The following HTR2B variants were observed in gnomAD, a reference collection of about 807,000 sequenced individuals.
HTR2B encodes the protein 5-hydroxytryptamine receptor 2B.
Under a neutral mutation model 39.8 loss-of-function variants are expected in HTR2B, and 31 were observed. That is an observed-to-expected ratio of 0.78 (90% CI 0.58 to 1.05). The LOEUF is 1.05. Among genes scored for constraint, HTR2B ranks in the 50% least tolerant of loss-of-function variants. HTR2B has a pLI of 0.00. For missense variants in HTR2B, 562 were observed against 578.0 expected (o/e 0.97, Z 0.28); for synonymous variants, 210 against 207.1 (o/e 1.01, Z -0.12).
rs201933699 is a variant in HTR2B, at chr2:231,123,369, CAT to C, written c.352+42_352+43del. ...GAGTGTCCATTCTCTAATAGTATATCATAGTTCTGTGGTTTGATGGCACAAAC... is the reference window on the plus strand; with the variant it reads ...GAGTGTCCATTCTCTAATAGTATATCAGTTCTGTGGTTTGATGGCACAAAC... On this transcript the variant is annotated intron_variant, in intron 2 of 3. Coordinates refer to ENST00000258400, the MANE Select transcript of HTR2B (RefSeq NM_000867.5). 2,172 of 1,340,210 alleles carry C rather than the reference CAT, an allele frequency of 1.6e-3. 35 individuals are homozygous for C. In the African/African-American group the frequency reaches 0.027, roughly 17 times the overall value. The allele number at this position is 1,340,210 out of a possible 1,614,324, so 83.0% of individuals were successfully genotyped here.
chr2:231,109,041 T>C lies in HTR2B; in HGVS notation c.922A>G (p.Ile308Val). The stretch of plus-strand genomic sequence containing the variant: ...ATGGTCTGCACTGACTTTTTCCCAA[T>C]TGTGGATGTTCTTCGCATAAGTGTT... ...DETLMRRTSTIGKKSVQTISN... is the reference protein window; with the variant it reads ...DETLMRRTSTVGKKSVQTISN... The change falls in exon 4 of 4, where the codon ATT becomes GTT. Residue 308 changes from isoleucine to valine, a missense_variant. Transcript: ENST00000258400. The C allele has an allele frequency of 6.2e-7, 1 of 1,614,240 alleles. No individual in the cohort carries two copies. The highest frequency in any genetic ancestry group is 8.5e-7 in the Non-Finnish European group (1 of 1,180,026).
chr2:231,116,974 A>C (rs1695362223), intron 2 of HTR2B, among the ~76,000 whole-genome samples: 1 of 152,044 alleles, frequency 6.6e-6, no homozygotes, highest in Admixed American at 6.6e-5. Context: ...ACAAAAAAGA[A>C]AAAGAGGCTT....
At chr2:231,109,431 T>C in intron 3 of HTR2B, 22 bp from the exon 4 acceptor site, 1 of 1,605,330 alleles carries the variant, frequency 6.2e-7, no homozygotes. Context: ...GAAAACAAGA[T>C]AAATTGAGTC....
Position 231,123,771 on chromosome 2 carries a change from T to C in HTR2B, c.-7A>G. The C allele has an allele frequency of 6.2e-7, 1 of 1,605,222 alleles. No homozygotes were observed. Among genetic ancestry groups the C allele is most frequent in the Non-Finnish European group, 8.5e-7 (1 of 1,171,950 alleles). On this transcript the variant is annotated 5_prime_UTR_variant, in exon 2 of 4. Coordinates refer to ENST00000258400, the MANE Select transcript of HTR2B (RefSeq NM_000867.5). ...CTCTGTAAGAGAGAGCCATTTGCTGTTTTTCTGTGATTCAATCCCGTTCCG... is the reference window on the plus strand; with the variant it reads ...CTCTGTAAGAGAGAGCCATTTGCTGCTTTTCTGTGATTCAATCCCGTTCCG...
At chr2:231,115,677 G>GAGT (rs1455743666) in intron 2 of HTR2B, among the ~76,000 whole-genome samples, 1 of 152,124 alleles carries the variant, frequency 6.6e-6, no homozygotes, top group Admixed American at 6.5e-5. Flanking sequence ...TCTTGCAGAT[G>GAGT]AGTAAATTCA....
rs1378307926 is a variant in HTR2B, at chr2:231,109,164, C to G, written c.799G>C (p.Val267Leu). 4 of 1,614,090 alleles carry G rather than the reference C, an allele frequency of 2.5e-6. No homozygotes were observed. Among genetic ancestry groups the G allele is most frequent in the Non-Finnish European group, 3.4e-6 (4 of 1,180,056 alleles). The stretch of plus-strand genomic sequence containing the variant: ...CAAGGTGTTTCATCCCTTTGGAAAA[C>G]TGTAGACACAGTCAACCATGTTAGG... ...QRLTWLTVST[V>L]FQRDETPCSS... The change falls in exon 4 of 4, where the codon GTT (valine) becomes CTT (leucine). Residue 267 changes from valine (V) to leucine (L), a missense_variant. Coordinates refer to ENST00000258400, the MANE Select transcript of HTR2B (RefSeq NM_000867.5).
intron 2 of HTR2B, among the ~76,000 whole-genome samples, chr2:231,116,803 T>G (rs562200682): frequency 6.6e-6 from 1 of 152,242 alleles, no homozygotes; most frequent in African/African-American, 2.4e-5. Flanking sequence ...CAGAATTTTC[T>G]TTAAGAAAGA....
intron 2 of HTR2B, among the ~76,000 whole-genome samples, chr2:231,119,172 G>A (rs1695445923): frequency 6.6e-6 from 1 of 152,154 alleles, no homozygotes; most frequent in Admixed American, 6.5e-5. Context: ...ACAAAAAGAA[G>A]TGCCTTTAAT....
Position 231,108,947 on chromosome 2 carries a change from G to A in HTR2B, c.1016C>T (p.Pro339Leu), listed in dbSNP as rs1364650692. ...VFFLFLLMWCPFFITNITLVL... is the reference protein window; with the variant it reads ...VFFLFLLMWCLFFITNITLVL... Reference sequence around the variant, plus strand: ...TAAAGTTATATTTGTAATAAAGAAGGGACACCACATAAGCAAAAAGAGGAA... The same window carrying A: ...TAAAGTTATATTTGTAATAAAGAAGAGACACCACATAAGCAAAAAGAGGAA... Residue 339 changes from proline (P) to leucine (L), a missense_variant, in exon 4 of 4, where the codon CCC becomes CTC. By Grantham distance (98) the Pro-to-Leu change is moderately conservative. Transcript: ENST00000258400. 1 of 1,613,838 alleles carries A rather than the reference G, an allele frequency of 6.2e-7. No individual in the cohort carries two copies. Among genetic ancestry groups the A allele is most frequent in the African/African-American group, 1.3e-5 (1 of 74,880 alleles).
intron 2 of HTR2B, among the ~76,000 whole-genome samples, chr2:231,121,893 A>G (rs1375348948): frequency 6.6e-6 from 1 of 152,190 alleles, no homozygotes; most frequent in African/African-American, 2.4e-5. Flanking sequence ...CTAGCAAAGC[A>G]CAGTTTGAAG....
At chr2:231,111,085 C>T (rs1193823433) in intron 3 of HTR2B, among the ~76,000 whole-genome samples, 1 of 152,186 alleles carries the variant, frequency 6.6e-6, no homozygotes, top group Non-Finnish European at 1.5e-5. Context: ...TCAATGGCTT[C>T]AGTACCTGCT....
Position 231,108,870 on chromosome 2 carries a change from A to G in HTR2B, c.1093T>C (p.Phe365Leu), listed in dbSNP as rs769926437. ...GAGGAAACATAGCCTATCCACACAA[A>G]TATCTCCAGGAGCATTTGGAGAGTA... ...QTTLQMLLEI[F>L]VWIGYVSSGV... is the part of the protein sequence containing the mutation. Residue 365 changes from phenylalanine (F) to leucine (L), a missense_variant, in exon 4 of 4, where the codon TTT becomes CTT. Physicochemically the swap from Phe to Leu is conservative, Grantham distance 22. Transcript: ENST00000258400. 3.7e-6 allele frequency: 6 copies of G among 1,614,154 alleles called. No homozygotes were observed. The South Asian group carries it at 5.5e-5, about 15-fold the overall frequency.
chr2:231,117,372 G>A (rs566977982), intron 2 of HTR2B, among the ~76,000 whole-genome samples: 1 of 152,130 alleles, frequency 6.6e-6, no homozygotes, highest in South Asian at 2.1e-4. Flanking sequence ...GTATCTAAGG[G>A]TCAGTCTGAG....
At chr2:231,109,516 A>G (rs748017404) in intron 3 of HTR2B, 107 bp from the exon 4 acceptor site, 6 of 971,642 alleles carry the variant, frequency 6.2e-6, no homozygotes, top group Non-Finnish European at 9.5e-6. Context: ...TTGGTGCATT[A>G]TAATTCCTGG....
In HTR2B at chr2:231,108,883, C is replaced by T. The variant is rs1319258001; in HGVS notation, c.1080G>A (p.Met360Ile). 1 of 1,614,066 alleles carries T rather than the reference C, an allele frequency of 6.2e-7. No individual in the cohort carries two copies. The highest frequency in any genetic ancestry group is 2.2e-5 in the East Asian group (1 of 44,878). ...CTATCCACACAAATATCTCCAGGAG[C>T]ATTTGGAGAGTAGTTTGGTTACAGG... ...CDSCNQTTLQ[M>I]LLEIFVWIGY... Residue 360 changes from methionine (M) to isoleucine (I), a missense_variant, in exon 4 of 4, where the codon ATG (methionine) becomes ATA (isoleucine). Physicochemically the swap from Met to Ile is conservative, Grantham distance 10 (BLOSUM62 1). Coordinates refer to ENST00000258400, the MANE Select transcript of HTR2B (RefSeq NM_000867.5).
chr2:231,109,140 A>G lies in HTR2B; in HGVS notation c.823T>C (p.Cys275Arg). The G allele has an allele frequency of 1.2e-6, 2 of 1,614,128 alleles. No homozygotes were observed. Among genetic ancestry groups the G allele is most frequent in the Non-Finnish European group, 1.7e-6 (2 of 1,179,958 alleles). ...STVFQRDETP[C>R]SSPEKVAMLD... The stretch of plus-strand genomic sequence containing the variant: ...ATTGCCACCTTTTCCGGTGACGAGC[A>G]AGGTGTTTCATCCCTTTGGAAAACT... Residue 275 changes from cysteine to arginine, a missense_variant, in exon 4 of 4, where the codon TGC (cysteine) becomes CGC (arginine). Coordinates refer to ENST00000258400, the MANE Select transcript of HTR2B (RefSeq NM_000867.5).
chr2:231,113,698 T>C (rs775918760), intron 3 of HTR2B, 31 bp downstream of exon 3: 1 of 1,590,020 alleles, frequency 6.3e-7, no homozygotes, highest in East Asian at 2.2e-5. Flanking sequence ...AGATTTTGTA[T>C]ACCACCCACA....
chr2:231,108,322 C>T lies in HTR2B; in HGVS notation c.*195G>A. ...AGTGCTGGATTGTTTTCATTTGTAGCTATATAAAATTATTTTCCTCATGGA... is the reference window on the plus strand; with the variant it reads ...AGTGCTGGATTGTTTTCATTTGTAGTTATATAAAATTATTTTCCTCATGGA... On this transcript the variant is annotated 3_prime_UTR_variant, in exon 4 of 4. Coordinates refer to ENST00000258400, the MANE Select transcript of HTR2B (RefSeq NM_000867.5). 3.7e-6 allele frequency: 2 copies of T among 540,950 alleles called. No homozygotes were observed. Among genetic ancestry groups the T allele is most frequent in the Non-Finnish European group, 6.5e-6 (2 of 307,598 alleles). The allele number at this position is 540,950 out of a possible 1,614,324, so 33.5% of individuals were successfully genotyped here.
intron 3 of HTR2B, among the ~76,000 whole-genome samples, chr2:231,112,799 G>T (rs1052117142): frequency 1.3e-5 from 2 of 151,916 alleles, no homozygotes; most frequent in African/African-American, 4.9e-5. Context: ...AGAAGAAAAA[G>T]GATTTCTTTT....
Sources: allele counts gnomAD v4.1 joint callset (sites outside exome capture counted in the v4.1 genomes callset), GRCh38; gene constraint gnomAD v4.1.1; transcripts MANE v1.5; gene names NCBI Gene and HGNC (gene_info 2026-07-23, HGNC 2026-07-21).